Variants in CRIPT observed in about 807,000 individuals in gnomAD.
CRIPT encodes the protein CXXC repeat containing interactor of PDZ3 domain, also known as cysteine-rich PDZ-binding protein.
A neutral mutation model predicts 16.6 loss-of-function variants in CRIPT; 20 were observed. The ratio of observed to expected loss-of-function variants is 1.20; its 90% CI spans 0.85 to 1.75. The LOEUF is 1.75. CRIPT is among the 40% of genes most tolerant of loss of function. The pLI, the probability that CRIPT is intolerant of heterozygous loss-of-function variation, is 0.00. For synonymous variants in CRIPT, 42 were observed against 37.0 expected (o/e 1.14, Z -0.49); for missense variants, 133 against 115.3 (o/e 1.15, Z -0.70).
chr2:46,627,727 G>A lies in CRIPT; in HGVS notation c.*3500G>A, dbSNP rs917802183. 6.6e-6 allele frequency among the ~76,000 whole-genome samples: 1 copy of A among 152,172 alleles called. No individual in the cohort carries two copies. The highest frequency in any genetic ancestry group is 2.4e-5 in the African/African-American group (1 of 41,432). ...CCCAAAGTGCTGGGATTACAGGCAT[G>A]AGCCACTGCACCCGGCCCCTTATAT... On this transcript the variant is annotated 3_prime_UTR_variant, in exon 5 of 5. Transcript: ENST00000238892.
chr2:46,617,604 C>A (rs749626254), intron 1 of CRIPT, among the ~76,000 whole-genome samples: 8 of 152,184 alleles, frequency 5.3e-5, no homozygotes, highest in Non-Finnish European at 8.8e-5. Flanking sequence ...CGACACCTTT[C>A]TGTCTTGGCA....
At chr2:46,619,591 A>T in intron 2 of CRIPT, 36 bp from the exon 3 acceptor site, 1 of 1,457,108 alleles carries the variant, frequency 6.9e-7, no homozygotes, top group Non-Finnish European at 9.5e-7. Context: ...AAATGTATAG[A>T]AATAACCCAC....
Position 46,629,214 on chromosome 2 carries a change from C to G in CRIPT, c.*4987C>G, listed in dbSNP as rs565355766. Among the ~76,000 whole-genome samples the G allele has an allele frequency of 6.6e-6, 1 of 152,130 alleles. No individual in the cohort carries two copies. Among genetic ancestry groups the G allele is most frequent in the Non-Finnish European group, 1.5e-5 (1 of 68,026 alleles). The stretch of plus-strand genomic sequence containing the variant: ...CTCTTTACATCCTTATGGCAGCCTT[C>G]GAATACCTTTTAACTCCCAGTTCCC... On this transcript the variant is annotated 3_prime_UTR_variant, in exon 5 of 5. Coordinates refer to ENST00000238892, the MANE Select transcript of CRIPT (RefSeq NM_014171.6).
chr2:46,621,107 C>T (rs1057260729), intron 3 of CRIPT, among the ~76,000 whole-genome samples: 8 of 152,224 alleles, frequency 5.3e-5, no homozygotes, highest in Non-Finnish European at 1.0e-4. Context: ...TCCTGCTTCT[C>T]TAGTTTCCCG....
chr2:46,617,420 CT>C, intron 1 of CRIPT, 122 bp downstream of exon 1: 1 of 1,115,814 alleles, frequency 9.0e-7, no homozygotes, highest in Non-Finnish European at 1.3e-6. Context: ...TATCCGCTGT[CT>C]TTCTACCCTA....
At chr2:46,617,613 C>T (rs1164790982) in intron 1 of CRIPT, among the ~76,000 whole-genome samples, 2 of 152,140 alleles carry the variant, frequency 1.3e-5, no homozygotes, top group East Asian at 1.9e-4. Context: ...TCTGTCTTGG[C>T]AATTCTTGAT....
intron 3 of CRIPT, 92 bp downstream of exon 3, chr2:46,619,773 G>A: frequency 2.0e-6 from 2 of 978,276 alleles, no homozygotes; most frequent in Non-Finnish European, 1.6e-6. Context: ...CATTCCATTT[G>A]CAATAAAACA....
At chr2:46,624,099 G>C in intron 4 of CRIPT, 64 bp from the exon 5 acceptor site, 1 of 1,101,918 alleles carries the variant, frequency 9.1e-7, no homozygotes, top group South Asian at 2.3e-5. Context: ...TAAGCTTCAG[G>C]ATTGACTTAA....
In CRIPT at chr2:46,626,391, G is replaced by A. The variant is rs1241817967; in HGVS notation, c.*2164G>A. ...TTGCTGTTGTGAATAGTGCTGTGAT[G>A]AATATGTGAGTGTATGTGTCTTTTT... is the stretch of plus-strand genomic sequence containing the variant. On this transcript the variant is annotated 3_prime_UTR_variant, in exon 5 of 5. Coordinates refer to ENST00000238892, the MANE Select transcript of CRIPT (RefSeq NM_014171.6). 6.6e-6 allele frequency among the ~76,000 whole-genome samples: 1 copy of A among 152,214 alleles called. No homozygotes were observed. Among genetic ancestry groups the A allele is most frequent in the African/African-American group, 2.4e-5 (1 of 41,446 alleles).
rs1031941433 is a variant in CRIPT, at chr2:46,625,904, C to G, written c.*1677C>G. On this transcript the variant is annotated 3_prime_UTR_variant, in exon 5 of 5. Transcript: ENST00000238892. ...GGGATCAGCTAGAATCTGGACTTGC[C>G]TAACTCACATTTCATTTTTTTTGTT... Among the ~76,000 whole-genome samples the G allele has an allele frequency of 1.3e-5, 2 of 152,092 alleles. No homozygotes were observed. The highest frequency in any genetic ancestry group is 4.8e-5 in the African/African-American group (2 of 41,374).
Position 46,624,245 on chromosome 2 carries a change from C to A in CRIPT, c.*18C>A. On this transcript the variant is annotated 3_prime_UTR_variant, in exon 5 of 5. Coordinates refer to ENST00000238892, the MANE Select transcript of CRIPT (RefSeq NM_014171.6). ...CTGTCTAGATGTATTGATGGAATTT[C>A]TGGCTTTCTAAATGATTTTACTTTC... is the stretch of plus-strand genomic sequence containing the variant. 2 of 1,518,580 alleles carry A rather than the reference C, an allele frequency of 1.3e-6. No homozygotes were observed. Among genetic ancestry groups the A allele is most frequent in the South Asian group, 1.3e-5 (1 of 76,424 alleles). The allele number at this position is 1,518,580 out of a possible 1,614,324, so 94.1% of individuals were successfully genotyped here. A position where few individuals can be genotyped will look rare whatever the true frequency, so the allele number is the denominator to read the frequency against.
At position 46,628,082 on chromosome 2, in the gene CRIPT, G is replaced by T. The variant is rs1483484394; in HGVS notation, c.*3855G>T. ...TTATTTGCTTAGGATTGATTTTTTGGTTCCATATGAATTTTAGAATGGATT... is the reference window on the plus strand; with the variant it reads ...TTATTTGCTTAGGATTGATTTTTTGTTTCCATATGAATTTTAGAATGGATT... On this transcript the variant is annotated 3_prime_UTR_variant, in exon 5 of 5. Transcript: ENST00000238892. Among the ~76,000 whole-genome samples, 3 of 148,654 alleles carry T rather than the reference G, an allele frequency of 2.0e-5. No individual in the cohort carries two copies. The highest frequency in any genetic ancestry group is 6.7e-5 in the Admixed American group (1 of 14,934).
At chr2:46,621,054 C>T (rs1356068061) in intron 3 of CRIPT, among the ~76,000 whole-genome samples, 2 of 152,186 alleles carry the variant, frequency 1.3e-5, no homozygotes, top group African/African-American at 4.8e-5. Context: ...TTCCAAACCA[C>T]TGTTATTTCT....
chr2:46,617,606 G>A (rs538378898), intron 1 of CRIPT, among the ~76,000 whole-genome samples: 1 of 152,134 alleles, frequency 6.6e-6, no homozygotes, highest in Non-Finnish European at 1.5e-5. Flanking sequence ...ACACCTTTCT[G>A]TCTTGGCAAT....
intron 1 of CRIPT, among the ~76,000 whole-genome samples, chr2:46,618,229 T>C (rs1282042126): frequency 6.6e-6 from 1 of 151,942 alleles, no homozygotes; most frequent in African/African-American, 2.4e-5. Flanking sequence ...GGTTGAATGG[T>C]TCTTTTTGGG....
In CRIPT at chr2:46,627,789, T is replaced by C. The variant is rs1322351478; in HGVS notation, c.*3562T>C. On this transcript the variant is annotated 3_prime_UTR_variant, in exon 5 of 5. Coordinates refer to ENST00000238892, the MANE Select transcript of CRIPT (RefSeq NM_014171.6). Reference sequence around the variant, plus strand: ...ATCTATCTTGAGGTAATTTTATATATATGGTGAAAGGGGTCCAGTTTGAGT... The same window carrying C: ...ATCTATCTTGAGGTAATTTTATATACATGGTGAAAGGGGTCCAGTTTGAGT... Among the ~76,000 whole-genome samples the C allele has an allele frequency of 6.6e-6, 1 of 152,186 alleles. No homozygotes were observed. Among genetic ancestry groups the C allele is most frequent in the Non-Finnish European group, 1.5e-5 (1 of 68,034 alleles).
At chr2:46,623,711 A>C (rs1553428963) in intron 3 of CRIPT, 53 bp from the exon 4 acceptor site, 9 of 982,746 alleles carry the variant, frequency 9.2e-6, no homozygotes, top group Admixed American at 1.9e-5. Flanking sequence ...GGGGTTATTT[A>C]AGAGTGTTTC....
intron 1 of CRIPT, 28 bp downstream of exon 1, chr2:46,617,326 G>A (rs914023155): frequency 6.4e-7 from 1 of 1,552,376 alleles, no homozygotes. Flanking sequence ...TTCTGCGGGA[G>A]GAGGAGGCTG....
chr2:46,618,925 G>A (rs1670737422), intron 2 of CRIPT, 87 bp downstream of exon 2: 1 of 825,916 alleles, frequency 1.2e-6, no homozygotes. Context: ...ACAATGAAAT[G>A]TTATGTGTTC....
Sources: allele counts gnomAD v4.1 joint callset (sites outside exome capture counted in the v4.1 genomes callset), GRCh38; gene constraint gnomAD v4.1.1; transcripts MANE v1.5; gene names NCBI Gene and HGNC (gene_info 2026-07-23, HGNC 2026-07-21).